Variants in PLA2G6 observed in about 807,000 individuals in gnomAD.
The protein encoded by PLA2G6 is 85/88 kDa calcium-independent phospholipase A2.
A neutral mutation model predicts 83.8 loss-of-function variants in PLA2G6; 62 were observed. The observed-to-expected ratio is 0.74, with a 90% CI of 0.60 to 0.91. The LOEUF (loss-of-function observed/expected upper bound fraction) is 0.91, where lower values mean the gene tolerates loss of function less well. Among genes scored for constraint, PLA2G6 ranks in the 40% least tolerant of loss-of-function variants. The pLI is 0.00. For missense variants in PLA2G6, 944 were observed against 1,102.0 expected (o/e 0.86, Z 2.03); for synonymous variants, 417 against 449.8 (o/e 0.93, Z 0.92).
intron 3 of PLA2G6, chr22:38,145,197 T>C (rs1054117556): frequency 1.8e-6 from 1 of 550,774 alleles, no homozygotes; most frequent in Non-Finnish European, 3.3e-6. Flanking sequence ...ACATGCTAAT[T>C]TTTTAATTTT....
At chr22:38,180,229 T>C (rs1417047298) in intron 1 of PLA2G6, 1 of 152,174 alleles carries the variant, frequency 6.6e-6, no homozygotes, top group African/African-American at 2.4e-5. Context: ...GATGTCATTC[T>C]GCTGAGTAAG....
At chr22:38,120,161 C>G (rs2087442132) in intron 12 of PLA2G6, among the ~76,000 whole-genome samples, 1 of 152,232 alleles carries the variant, frequency 6.6e-6, no homozygotes, top group Non-Finnish European at 1.5e-5. Flanking sequence ...TTGCTTAGTC[C>G]TAGGATTTGG....
chr22:38,114,264 T>C (rs2087054016), intron 14 of PLA2G6, among the ~76,000 whole-genome samples: 1 of 150,880 alleles, frequency 6.6e-6, no homozygotes, highest in Admixed American at 6.6e-5. Context: ...CACTGCAAGC[T>C]CCGCCTCCTG....
At chr22:38,157,666 GC>G (rs1448999342) in intron 2 of PLA2G6, among the ~76,000 whole-genome samples, 1 of 152,100 alleles carries the variant, frequency 6.6e-6, no homozygotes, top group Non-Finnish European at 1.5e-5. Context: ...AAAACTACAG[GC>G]CAGTATCCCT....
rs1173670979 is a variant in PLA2G6 at position 38,132,882 on chromosome 22, G to A, written c.1026C>T (p.Asn342=). 11 of 1,553,856 alleles carry A rather than the reference G, an allele frequency of 7.1e-6. No homozygotes were observed. The highest frequency in any genetic ancestry group is 2.4e-5 in the East Asian group (1 of 41,210). Residue 342 remains asparagine (N), a synonymous_variant, in exon 7 of 17, where the codon AAC becomes AAT. Transcript: ENST00000332509. This position sits in a 1 kb window ranked among gnomAD's most constrained non-coding sequence, Gnocchi z 5.0. ...TGCCGTGCTCTCCGCGGGCATCCGC[G>A]TTGGCCCCGTGGGTCAGCAGCACTA... ...CAIVLLTHGA[N]ADARGEHGNT... is the part of the protein sequence containing the mutation.
At chr22:38,113,860 C>T (rs2087029457) in intron 14 of PLA2G6, 1 of 681,502 alleles carries the variant, frequency 1.5e-6, no homozygotes, top group Non-Finnish European at 2.7e-6. Flanking sequence ...CATCACATGC[C>T]ATCTGCTCAG....
chr22:38,178,404 C>A (rs915514492), intron 1 of PLA2G6, among the ~76,000 whole-genome samples: 1 of 152,126 alleles, frequency 6.6e-6, no homozygotes. Context: ...GACCTCACCT[C>A]TACAAAAACT....
At chr22:38,141,554 A>T (rs1393972015) in intron 4 of PLA2G6, 1 of 151,628 alleles carries the variant, frequency 6.6e-6, no homozygotes, top group Non-Finnish European at 1.5e-5. Flanking sequence ...GTCAAGCCCC[A>T]CTCTCTCAGC....
chr22:38,134,909 G>A lies in PLA2G6; in HGVS notation c.894+79C>T, dbSNP rs551087452. 42 of 1,022,832 alleles carry A rather than the reference G, an allele frequency of 4.1e-5. No homozygotes were observed. In the African/African-American group the frequency reaches 6.3e-4, roughly 15 times the overall value. The allele number at this position is 1,022,832 out of a possible 1,614,324, so 63.4% of individuals were successfully genotyped here. A position where few individuals can be genotyped will look rare whatever the true frequency, so the allele number is the denominator to read the frequency against. On this transcript the variant is annotated intron_variant, in intron 6 of 16. Coordinates refer to ENST00000332509, the MANE Select transcript of PLA2G6 (RefSeq NM_003560.4). ...AAGTGCTAGCCTCAGGGTCCTCTCG[G>A]GAACCTGCTTCCTGAGGGCCCTGAG...
intron 3 of PLA2G6, 32 bp from the exon 4 acceptor site, chr22:38,143,320 A>G (rs1268571662): frequency 1.3e-5 from 21 of 1,603,728 alleles, no homozygotes; most frequent in Non-Finnish European, 1.8e-5. Context: ...AGCAGAGGTG[A>G]GCAGGTGTGG....
intron 15 of PLA2G6, 34 bp downstream of exon 15, chr22:38,113,453 A>G (rs200716967): frequency 2.7e-5 from 44 of 1,608,944 alleles, no homozygotes; most frequent in Non-Finnish European, 3.7e-5. Flanking sequence ...ACAGACCCTG[A>G]GGGAAGTGGC....
chr22:38,135,564 A>G (rs1459759937), intron 5 of PLA2G6: 1 of 160,230 alleles, frequency 6.2e-6, no homozygotes, highest in Non-Finnish European at 1.4e-5. Context: ...AGTGGGAAAG[A>G]GCACAATTGC....
chr22:38,137,859 A>C (rs2088650460), intron 5 of PLA2G6: 2 of 152,420 alleles, frequency 1.3e-5, no homozygotes, highest in Admixed American at 1.3e-4. Flanking sequence ...AAAAGAAAAG[A>C]AAAAGAAAAA....
chr22:38,166,251 T>C (rs132975), intron 2 of PLA2G6, among the ~76,000 whole-genome samples: 17,344 of 152,144 alleles, frequency 0.11, 1,210 homozygotes, highest in African/African-American at 0.18. Flanking sequence ...ACCTTCTGCA[T>C]CCTGCCCTTC....
chr22:38,127,318 C>A, intron 9 of PLA2G6: 1 of 1,288,664 alleles, frequency 7.8e-7, no homozygotes, highest in Non-Finnish European at 1.0e-6. Context: ...GTGGTGTGTG[C>A]GCAGCTAAGA....
At position 38,131,940 on chromosome 22, in the gene PLA2G6, C is replaced by T. The variant is rs11570686; in HGVS notation, c.1077+891G>A. ...GACCAGCCTGGCCAACGTGGTGAAA[C>T]CCCGTCTCTACTAAAAATACAAAAA... On this transcript the variant is annotated intron_variant, in intron 7 of 16. Coordinates refer to ENST00000332509, the MANE Select transcript of PLA2G6 (RefSeq NM_003560.4). The T allele has an allele frequency of 2.5e-3, 824 of 331,574 alleles. 3 individuals are homozygous for T. Among genetic ancestry groups the T allele is most frequent in the Non-Finnish European group, 4.0e-3 (671 of 168,644 alleles). The allele number at this position is 331,574 out of a possible 1,614,324, so 20.5% of individuals were successfully genotyped here.
chr22:38,158,172 T>A (rs1359114945), intron 2 of PLA2G6, among the ~76,000 whole-genome samples: 2 of 146,288 alleles, frequency 1.4e-5, no homozygotes, highest in Admixed American at 6.8e-5. Flanking sequence ...TTTCTTTTCT[T>A]TTTTTTTTTT....
At chr22:38,177,062 C>G (rs1306561319) in intron 1 of PLA2G6, among the ~76,000 whole-genome samples, 1 of 138,584 alleles carries the variant, frequency 7.2e-6, no homozygotes, top group Non-Finnish European at 1.6e-5. Flanking sequence ...AAAAAAGAAA[C>G]AAGGAAGGTG....
Position 38,132,681 on chromosome 22 carries a change from G to T in PLA2G6, c.1077+150C>A. The T allele has an allele frequency of 1.4e-6, 1 of 710,166 alleles. No homozygotes were observed. The highest frequency in any genetic ancestry group is 2.3e-6 in the Non-Finnish European group (1 of 426,792). 44.0% of individuals were successfully genotyped at this position (710,166 alleles called of 1,614,324 possible). ...ACTTGGAAGGCTTCCTGAGGGAGGA[G>T]TCAGGGTCTGAACTGAGCTTTGGGT... On this transcript the variant is annotated intron_variant, in intron 7 of 16. Transcript: ENST00000332509. The surrounding 1 kb of genome is among the most constrained non-coding windows in gnomAD (Gnocchi z 5.0).
Sources: gnomAD v4.1 joint callset for allele counts (sites outside exome capture counted in the v4.1 genomes callset) on GRCh38, gnomAD v4.1.1 for gene constraint, Gnocchi (gnomAD v3.1) non-coding constraint, MANE v1.5 for transcripts, NCBI Gene and HGNC (gene_info 2026-07-23, HGNC 2026-07-21) for gene names.